Variants in SH3BP4 observed in about 807,000 individuals in gnomAD.
SH3BP4 encodes the protein SH3 domain-binding protein 4.
In SH3BP4, 33 loss-of-function variants were observed where a neutral mutation model predicts 65.5. That is an observed-to-expected ratio of 0.50 (90% CI 0.38 to 0.67). The LOEUF is 0.67. Among genes scored for constraint, SH3BP4 ranks in the 30% least tolerant of loss-of-function variants. The probability of loss-of-function intolerance (pLI) is 0.00; values close to 1 mark genes in which losing one functional copy is unlikely to be tolerated. For synonymous variants in SH3BP4, 552 were observed against 545.5 expected, an observed-to-expected ratio of 1.01 and a Z score of -0.17; for missense variants, 1,134 against 1,261.4, an observed-to-expected ratio of 0.90 and a Z score of 1.53.
At position 235,041,850 on chromosome 2, in the gene SH3BP4, G is replaced by GACCCCCC. The variant is rs1228145387; in HGVS notation, c.1082_1088dup (p.Leu364ProfsTer8). The GACCCCCC allele has an allele frequency of 6.2e-7, 1 of 1,607,090 alleles. No individual in the cohort carries two copies. Among genetic ancestry groups the GACCCCCC allele is most frequent in the Non-Finnish European group, 8.5e-7 (1 of 1,175,710 alleles). ...GCAGATCTCCATGAAAGCCCTGCTG[G>GACCCCCC]ACCCCCCGCTGGAGCTCAACAGTGA... is the stretch of plus-strand genomic sequence containing the variant. On this transcript the variant is annotated frameshift_variant, in exon 4 of 6. Transcript: ENST00000392011. LOFTEE classifies it high-confidence loss of function. The surrounding 1 kb of genome is among the most constrained non-coding windows in gnomAD (Gnocchi z 6.0).
At chr2:234,980,531 A>G (rs1157291056) in intron 1 of SH3BP4, among the ~76,000 whole-genome samples, 2 of 152,176 alleles carry the variant, frequency 1.3e-5, no homozygotes, top group African/African-American at 4.8e-5. Context: ...CTAAAGGACA[A>G]TAGGTTGTTT....
At position 235,053,991 on chromosome 2, in the gene SH3BP4, G is replaced by C; in HGVS notation, c.*175G>C. On this transcript the variant is annotated 3_prime_UTR_variant, in exon 6 of 6. Transcript: ENST00000392011. ...CCCTCCTCCATCGAGGGAGAGGCCT[G>C]AAGGGACTGCCTACTGCAGCTCGTT... The C allele has an allele frequency of 1.7e-6, 1 of 597,072 alleles. No homozygotes were observed. Among genetic ancestry groups the C allele is most frequent in the Admixed American group, 2.9e-5 (1 of 34,060 alleles). The allele number at this position is 597,072 out of a possible 1,614,324, so 37.0% of individuals were successfully genotyped here.
At position 234,961,460 on chromosome 2, in the gene SH3BP4, C is replaced by G. The variant is rs190203777; in HGVS notation, c.-207+9290C>G. Among the ~76,000 whole-genome samples the G allele has an allele frequency of 5.7e-3, 866 of 151,976 alleles. 6 individuals carry two copies. The highest frequency in any genetic ancestry group is 0.019 in the African/African-American group (781 of 41,438). ...CTAATTTTTGTATTTTTAGTAGAGA[C>G]GGGGTTTTACCATGTTGGCCAGGCT... On this transcript the variant is annotated intron_variant, in intron 1 of 5. Coordinates refer to ENST00000392011, the MANE Select transcript of SH3BP4 (RefSeq NM_014521.3).
intron 1 of SH3BP4, among the ~76,000 whole-genome samples, chr2:234,963,031 T>TGAGCCACCACGC (rs1253783108): frequency 1.3e-5 from 2 of 152,208 alleles, no homozygotes; most frequent in Non-Finnish European, 2.9e-5. Flanking sequence ...ATTACAGGCG[T>TGAGCCACCACGC]GAGCCACCAC....
intron 2 of SH3BP4, among the ~76,000 whole-genome samples, chr2:235,015,642 T>A (rs2106302454): frequency 6.6e-6 from 1 of 152,308 alleles, no homozygotes; most frequent in African/African-American, 2.4e-5. Context: ...GAGCCAGCGT[T>A]TCCCAGGCGG....
At chr2:234,964,900 G>A (rs887899682) in intron 1 of SH3BP4, among the ~76,000 whole-genome samples, 3 of 152,064 alleles carry the variant, frequency 2.0e-5, no homozygotes, top group Non-Finnish European at 2.9e-5. Flanking sequence ...CATCATCGAC[G>A]CCTGGCAGGG....
chr2:235,006,977 A>G (rs890441131), intron 2 of SH3BP4, among the ~76,000 whole-genome samples: 1 of 152,114 alleles, frequency 6.6e-6, no homozygotes, highest in Non-Finnish European at 1.5e-5. Flanking sequence ...TCCTCTACTC[A>G]TCGGATCTGC....
chr2:235,035,748 A>T lies in SH3BP4; in HGVS notation c.118+628A>T, dbSNP rs2106325848. ...TAACCCTGGGTCTCTGGGTTTCTCC[A>T]GTGGCCTCGTAAAATTGAGTTCATG... On this transcript the variant is annotated intron_variant, in intron 3 of 5. Transcript: ENST00000392011. The surrounding 1 kb of genome is among the most constrained non-coding windows in gnomAD (Gnocchi z 5.0). Among the ~76,000 whole-genome samples the T allele has an allele frequency of 6.6e-6, 1 of 152,346 alleles. No individual in the cohort carries two copies. The highest frequency in any genetic ancestry group is 2.4e-5 in the African/African-American group (1 of 41,578).
At chr2:234,988,046 A>G (rs1693623778) in intron 1 of SH3BP4, among the ~76,000 whole-genome samples, 1 of 152,028 alleles carries the variant, frequency 6.6e-6, no homozygotes, top group African/African-American at 2.4e-5. Flanking sequence ...GTTTAATGTC[A>G]TTTAGCTTGC....
chr2:234,957,947 A>G (rs573710243), intron 1 of SH3BP4, among the ~76,000 whole-genome samples: 1 of 152,126 alleles, frequency 6.6e-6, no homozygotes, highest in Non-Finnish European at 1.5e-5. Flanking sequence ...TCCCCCCAAC[A>G]GGTCTGTCCT....
At chr2:235,004,687 G>A (rs903263147) in intron 2 of SH3BP4, among the ~76,000 whole-genome samples, 3 of 152,174 alleles carry the variant, frequency 2.0e-5, no homozygotes, top group Non-Finnish European at 4.4e-5. Context: ...GTTCATCCAC[G>A]TGGCAGCATG....
chr2:234,993,264 G>A (rs908716866), intron 1 of SH3BP4, among the ~76,000 whole-genome samples: 14 of 152,256 alleles, frequency 9.2e-5, no homozygotes, highest in African/African-American at 2.9e-4. Context: ...CACTGGACTC[G>A]CCCCCCGCCT....
chr2:234,985,005 G>T (rs1165883845), intron 1 of SH3BP4, among the ~76,000 whole-genome samples: 1 of 152,132 alleles, frequency 6.6e-6, no homozygotes, highest in Admixed American at 6.5e-5. Context: ...CTTTCTGGAG[G>T]CCAGGAGGCG....
At chr2:235,044,047 G>A (rs953681878) in intron 4 of SH3BP4, among the ~76,000 whole-genome samples, 5 of 152,218 alleles carry the variant, frequency 3.3e-5, no homozygotes, top group African/African-American at 7.2e-5. Flanking sequence ...GATGTGGTTC[G>A]TTAGATTCCC....
At chr2:235,038,635 A>C (rs1695536101) in intron 3 of SH3BP4, among the ~76,000 whole-genome samples, 1 of 151,640 alleles carries the variant, frequency 6.6e-6, no homozygotes. Context: ...GGGACAAGAA[A>C]AAGCATAAGC....
chr2:234,990,092 G>C (rs2106268131), intron 1 of SH3BP4, among the ~76,000 whole-genome samples: 1 of 152,370 alleles, frequency 6.6e-6, no homozygotes, highest in Non-Finnish European at 1.5e-5. Flanking sequence ...AATGAATTTA[G>C]TGTTTAGACT....
chr2:235,006,091 C>T (rs1282157969), intron 2 of SH3BP4, among the ~76,000 whole-genome samples: 1 of 152,224 alleles, frequency 6.6e-6, no homozygotes, highest in Non-Finnish European at 1.5e-5. Flanking sequence ...GCTGGGCTGG[C>T]TGGAGTGGAG....
chr2:234,961,267 T>C (rs1390608881), intron 1 of SH3BP4, among the ~76,000 whole-genome samples: 1 of 152,120 alleles, frequency 6.6e-6, no homozygotes, highest in Admixed American at 6.5e-5. Context: ...CCTGTGGTTT[T>C]TGTTTGTTTG....
intron 1 of SH3BP4, among the ~76,000 whole-genome samples, chr2:234,960,393 C>T (rs1692679400): frequency 6.6e-6 from 1 of 152,218 alleles, no homozygotes; most frequent in Non-Finnish European, 1.5e-5. Context: ...TACAGAGCAG[C>T]AGCCATTGGT....
Sources: gnomAD v4.1 joint callset for allele counts (sites outside exome capture counted in the v4.1 genomes callset) on GRCh38, gnomAD v4.1.1 for gene constraint, Gnocchi (gnomAD v3.1) non-coding constraint, MANE v1.5 for transcripts, NCBI Gene and HGNC (gene_info 2026-07-23, HGNC 2026-07-21) for gene names.